Variants in RASGRF2 observed in about 807,000 individuals in gnomAD.
The protein encoded by RASGRF2 is ras-specific guanine nucleotide-releasing factor 2.
A neutral mutation model predicts 151.0 loss-of-function variants in RASGRF2; 76 were observed. The observed-to-expected ratio is 0.50, with a 90% CI of 0.42 to 0.61. The LOEUF (loss-of-function observed/expected upper bound fraction) is 0.61. RASGRF2 is among the 20% of genes least tolerant of loss of function. The probability of loss-of-function intolerance (pLI) is 0.00; values close to 1 mark genes in which losing one functional copy is unlikely to be tolerated. For synonymous variants in RASGRF2, 504 were observed against 566.5 expected (o/e 0.89, Z 1.57); for missense variants, 1,148 against 1,564.6 (o/e 0.73, Z 4.49).
Position 81,113,592 on chromosome 5 carries a change from G to A in RASGRF2, c.2142G>A (p.Val714=), listed in dbSNP as rs771685298. 10 of 1,608,454 alleles carry A rather than the reference G, an allele frequency of 6.2e-6. No individual in the cohort carries two copies. Among genetic ancestry groups the A allele is most frequent in the Non-Finnish European group, 7.7e-6 (9 of 1,174,974 alleles). Residue 714 remains valine, a synonymous_variant, in exon 15 of 27, where the codon GTG becomes GTA. Coordinates refer to ENST00000265080, the MANE Select transcript of RASGRF2 (RefSeq NM_006909.3). ...TSQNNRGEHL[V]DGKSPRLCRK... The stretch of plus-strand genomic sequence containing the variant: ...AGAACAACAGAGGTGAACATTTGGT[G>A]GATGGCAAATCCCCACGTCTGTGTC...
intron 22 of RASGRF2, among the ~76,000 whole-genome samples, chr5:81,209,446 A>G (rs1173396924): frequency 2.0e-5 from 3 of 152,194 alleles, no homozygotes; most frequent in African/African-American, 7.2e-5. Flanking sequence ...AAAAACAACA[A>G]CAACAAACTA....
chr5:81,114,710 A>G (rs1376768581), intron 15 of RASGRF2: 2 of 152,358 alleles, frequency 1.3e-5, no homozygotes, highest in Non-Finnish European at 2.9e-5. Context: ...TGTCAAAAGC[A>G]TTTTGGTCTT....
chr5:81,064,320 T>C (rs1321401256), intron 2 of RASGRF2, among the ~76,000 whole-genome samples: 1 of 152,114 alleles, frequency 6.6e-6, no homozygotes, highest in African/African-American at 2.4e-5. Flanking sequence ...CTGACTTCCC[T>C]CAAAGCAAAC....
At chr5:81,155,575 CG>C (rs1225663242) in intron 17 of RASGRF2, among the ~76,000 whole-genome samples, 2 of 152,030 alleles carry the variant, frequency 1.3e-5, no homozygotes, top group Non-Finnish European at 2.9e-5. Context: ...AACAACTTTA[CG>C]CAAACAAATG....
chr5:81,032,065 T>G (rs1750273729), intron 1 of RASGRF2, among the ~76,000 whole-genome samples: 1 of 152,046 alleles, frequency 6.6e-6, no homozygotes, highest in South Asian at 2.1e-4. Context: ...ATGGATAAAT[T>G]CCTGGACACA....
At chr5:81,173,472 T>TA (rs1435756248) in intron 17 of RASGRF2, among the ~76,000 whole-genome samples, 1 of 152,220 alleles carries the variant, frequency 6.6e-6, no homozygotes, top group East Asian at 1.9e-4. Context: ...CTATCCAGAC[T>TA]AAAGTTGAGC....
chr5:81,167,130 A>C (rs1347461751), intron 17 of RASGRF2, among the ~76,000 whole-genome samples: 5 of 152,202 alleles, frequency 3.3e-5, no homozygotes, highest in Admixed American at 2.0e-4. Flanking sequence ...GTTATGTTAC[A>C]TTGCCCTCCA....
chr5:81,180,935 CT>C (rs1211121223), intron 18 of RASGRF2, among the ~76,000 whole-genome samples: 5 of 152,228 alleles, frequency 3.3e-5, no homozygotes, highest in African/African-American at 9.6e-5. Context: ...CTTTGCCCCC[CT>C]GATGTGATGC....
chr5:81,006,897 T>C (rs1016865426), intron 1 of RASGRF2, among the ~76,000 whole-genome samples: 2 of 152,096 alleles, frequency 1.3e-5, no homozygotes, highest in South Asian at 4.2e-4. Context: ...CACAAACCAT[T>C]GTCTGTTCTG....
At chr5:81,100,285 A>T (rs1350141245) in intron 12 of RASGRF2, among the ~76,000 whole-genome samples, 2 of 152,136 alleles carry the variant, frequency 1.3e-5, no homozygotes, top group Non-Finnish European at 2.9e-5. Flanking sequence ...TATACTAATC[A>T]TAGGTAGCTC....
chr5:81,036,500 T>C (rs1750498588), intron 1 of RASGRF2, among the ~76,000 whole-genome samples: 1 of 152,166 alleles, frequency 6.6e-6, no homozygotes, highest in South Asian at 2.1e-4. Flanking sequence ...TAAGTTTATG[T>C]TTTCTTCCTG....
intron 12 of RASGRF2, among the ~76,000 whole-genome samples, chr5:81,095,624 G>C (rs988918044): frequency 2.6e-5 from 4 of 152,128 alleles, no homozygotes; most frequent in Non-Finnish European, 4.4e-5. Flanking sequence ...ATGAATTTTG[G>C]CTCTGTAGGG....
chr5:81,193,199 G>T (rs1303097562), intron 18 of RASGRF2, among the ~76,000 whole-genome samples: 4 of 152,162 alleles, frequency 2.6e-5, no homozygotes, highest in Non-Finnish European at 5.9e-5. Context: ...GCCATGTATA[G>T]TAAATTACTA....
intron 2 of RASGRF2, among the ~76,000 whole-genome samples, chr5:81,057,421 A>G (rs1233576856): frequency 3.9e-5 from 6 of 152,210 alleles, no homozygotes; most frequent in Non-Finnish European, 8.8e-5. Context: ...TTGCCCTTCT[A>G]TAAGATAACT....
chr5:81,025,131 T>G (rs1005560798), intron 1 of RASGRF2, among the ~76,000 whole-genome samples: 2 of 152,352 alleles, frequency 1.3e-5, no homozygotes, highest in African/African-American at 4.8e-5. Flanking sequence ...TGGGTGGGAT[T>G]CCTGCAGCCT....
intron 19 of RASGRF2, among the ~76,000 whole-genome samples, chr5:81,206,000 A>T (rs10038237): frequency 0.41 from 62,964 of 151,820 alleles, 13,539 homozygotes; most frequent in African/African-American, 0.53. Flanking sequence ...CTGCCCTCCT[A>T]CTATTTTAAT....
chr5:80,990,147 T>G (rs1385859552), intron 1 of RASGRF2, among the ~76,000 whole-genome samples: 2 of 151,878 alleles, frequency 1.3e-5, no homozygotes, highest in Non-Finnish European at 2.9e-5. Flanking sequence ...AGAACACAGG[T>G]GCCTTCTATT....
rs1449999339 is a variant in RASGRF2, at chr5:81,227,344, A to G, written c.*1574A>G. On this transcript the variant is annotated 3_prime_UTR_variant, in exon 27 of 27. Coordinates refer to ENST00000265080, the MANE Select transcript of RASGRF2 (RefSeq NM_006909.3). Reference sequence around the variant, plus strand: ...AAGTGCCATCTCTGTATGTAACTATATAGTGAAATATCAACTAAGTAAAAG... The same window carrying G: ...AAGTGCCATCTCTGTATGTAACTATGTAGTGAAATATCAACTAAGTAAAAG... 1 of 152,250 alleles carries G rather than the reference A, an allele frequency of 6.6e-6. No individual in the cohort carries two copies. The highest frequency in any genetic ancestry group is 1.9e-4 in the East Asian group (1 of 5,200). 9.4% of individuals were successfully genotyped at this position (152,250 alleles called of 1,614,324 possible).
At chr5:81,204,510 A>C (rs1755463653) in intron 19 of RASGRF2, among the ~76,000 whole-genome samples, 1 of 151,840 alleles carries the variant, frequency 6.6e-6, no homozygotes, top group South Asian at 2.1e-4. Flanking sequence ...CACAGGGGTC[A>C]CAATTAAGTG....
Sources: allele counts gnomAD v4.1 joint callset (sites outside exome capture counted in the v4.1 genomes callset), GRCh38; gene constraint gnomAD v4.1.1; transcripts MANE v1.5; gene names NCBI Gene and HGNC (gene_info 2026-07-23, HGNC 2026-07-21).